The following PCDHGA5 variants were observed in gnomAD, a reference collection of about 807,000 sequenced individuals.
PCDHGA5 encodes protocadherin gamma-A5.
PCDHGA5 carries 36 observed loss-of-function variants against 56.7 expected under a neutral mutation model. The observed-to-expected ratio is 0.64, with a 90% CI of 0.49 to 0.84. The LOEUF (loss-of-function observed/expected upper bound fraction) is 0.84. Among genes scored for constraint, PCDHGA5 ranks in the 40% least tolerant of loss-of-function variants. The pLI is 0.00. For missense variants in PCDHGA5, 1,305 were observed against 1,201.5 expected, an observed-to-expected ratio of 1.09 and a Z score of -1.27; for synonymous variants, 563 against 520.2, an observed-to-expected ratio of 1.08 and a Z score of -1.12.
At chr5:141,482,675 A>G (rs1258898440) in intron 1 of PCDHGA5, among the ~76,000 whole-genome samples, 1 of 149,114 alleles carries the variant, frequency 6.7e-6, no homozygotes, top group African/African-American at 2.5e-5. Context: ...AAGGTTGAGT[A>G]GTAGCTTGTC....
At chr5:141,422,724 G>T (rs560544401) in intron 1 of PCDHGA5, 3 of 1,606,016 alleles carry the variant, frequency 1.9e-6, no homozygotes, top group Admixed American at 3.3e-5. Context: ...CTGTCCAGGG[G>T]GTGCCTCTGT....
intron 1 of PCDHGA5, among the ~76,000 whole-genome samples, chr5:141,382,211 G>A (rs1778048764): frequency 6.6e-6 from 1 of 152,054 alleles, no homozygotes; most frequent in African/African-American, 2.4e-5. Flanking sequence ...ATTAAAATAG[G>A]TCTATATATT....
intron 1 of PCDHGA5, among the ~76,000 whole-genome samples, chr5:141,443,486 A>AAAAC (rs1345310906): frequency 6.6e-6 from 1 of 152,166 alleles, no homozygotes; most frequent in Non-Finnish European, 1.5e-5. Flanking sequence ...ACCCTGTCCC[A>AAAAC]AAACAAACAA....
Position 141,490,192 on chromosome 5 carries a change from A to C in PCDHGA5, c.2422-4615A>C. 1 of 1,614,182 alleles carries C rather than the reference A, an allele frequency of 6.2e-7. No homozygotes were observed. Among genetic ancestry groups the C allele is most frequent in the South Asian group, 1.1e-5 (1 of 91,082 alleles). On this transcript the variant is annotated intron_variant, in intron 1 of 3. Coordinates refer to ENST00000518069, the MANE Select transcript of PCDHGA5 (RefSeq NM_018918.3). The surrounding 1 kb of genome is among the most constrained non-coding windows in gnomAD (Gnocchi z 5.4). Reference sequence around the variant, plus strand: ...CTTTGAGGAGTCACGTTTCTATGAAATTCATGCAAGAGCCCGTGACCAGGG... The same window carrying C: ...CTTTGAGGAGTCACGTTTCTATGAACTTCATGCAAGAGCCCGTGACCAGGG...
chr5:141,399,221 T>C (rs564668507), intron 1 of PCDHGA5: 1 of 1,613,960 alleles, frequency 6.2e-7, no homozygotes, highest in Non-Finnish European at 8.5e-7. Flanking sequence ...ATTGCTTTGA[T>C]CAAAATACAT....
Position 141,366,382 on chromosome 5 carries a change from T to C in PCDHGA5, c.2052T>C (p.Pro684=), listed in dbSNP as rs1447635844. The change falls in exon 1 of 4, where the codon CCT becomes CCC. Residue 684 remains proline (P), a synonymous_variant. Transcript: ENST00000518069. ...GCAGTATCAAGACCCCCATTGACCC[T>C]GAGGATCTGGACCTCACACTCTATC... ...DLGSIKTPID[P]EDLDLTLYLV... The C allele has an allele frequency of 1.2e-6, 2 of 1,614,012 alleles. No homozygotes were observed. Among genetic ancestry groups the C allele is most frequent in the East Asian group, 2.2e-5 (1 of 44,900 alleles).
chr5:141,428,797 G>A (rs2097161930), intron 1 of PCDHGA5: 1 of 152,310 alleles, frequency 6.6e-6, no homozygotes, highest in Admixed American at 6.5e-5. Context: ...TTCTGTGTGG[G>A]CCAGTAACTT....
chr5:141,485,827 G>A lies in PCDHGA5; in HGVS notation c.2422-8980G>A. 1 of 1,614,154 alleles carries A rather than the reference G, an allele frequency of 6.2e-7. No individual in the cohort carries two copies. The highest frequency in any genetic ancestry group is 1.1e-5 in the South Asian group (1 of 91,080). On this transcript the variant is annotated intron_variant, in intron 1 of 3. Coordinates refer to ENST00000518069, the MANE Select transcript of PCDHGA5 (RefSeq NM_018918.3). The surrounding 1 kb of genome is among the most constrained non-coding windows in gnomAD (Gnocchi z 5.7). Reference sequence around the variant, plus strand: ...TGGTGCTGACTGCTGTCGATGGAGGGAACCCGCCGAGATCTGGCACCGCAG... The same window carrying A: ...TGGTGCTGACTGCTGTCGATGGAGGAAACCCGCCGAGATCTGGCACCGCAG...
rs374476072 is a variant in PCDHGA5, at chr5:141,419,103, C to T, written c.2421+52352C>T. 5 of 1,613,886 alleles carry T rather than the reference C, an allele frequency of 3.1e-6. 1 individual carries two copies. Among genetic ancestry groups the T allele is most frequent in the South Asian group, 1.1e-5 (1 of 91,088 alleles). On this transcript the variant is annotated intron_variant, in intron 1 of 3. Transcript: ENST00000518069. ...GATGAGGCCCTGGATCGGGAGCAGA[C>T]CCCAGAGTACAACGTCACCATCGCA... is the stretch of plus-strand genomic sequence containing the variant.
Position 141,387,745 on chromosome 5 carries a change from C to T in PCDHGA5, c.2421+20994C>T, listed in dbSNP as rs933790239. On this transcript the variant is annotated intron_variant, in intron 1 of 3. Coordinates refer to ENST00000518069, the MANE Select transcript of PCDHGA5 (RefSeq NM_018918.3). ...CCCAGCGCCAGCCTTTACACCGCTT[C>T]CTCCTCGGAAAAAGAAGAATTTTTT... 4 of 1,355,066 alleles carry T rather than the reference C, an allele frequency of 3.0e-6. No homozygotes were observed. In the Admixed American group the frequency reaches 8.1e-5, roughly 28 times the overall value. 83.9% of individuals were successfully genotyped at this position (1,355,066 alleles called of 1,614,324 possible).
intron 1 of PCDHGA5, among the ~76,000 whole-genome samples, chr5:141,474,061 T>A (rs2099339173): frequency 1.3e-5 from 2 of 152,058 alleles, no homozygotes; most frequent in Admixed American, 6.6e-5. Flanking sequence ...CAGAGCGAGA[T>A]CCTGCCTCAG....
At chr5:141,393,914 C>T (rs765664879) in intron 1 of PCDHGA5, 2 of 1,613,932 alleles carry the variant, frequency 1.2e-6, no homozygotes, top group South Asian at 2.2e-5. Flanking sequence ...CAGTAATTGC[C>T]TTCTTGAGTG....
intron 1 of PCDHGA5, 199 bp downstream of exon 1, chr5:141,366,950 T>C: frequency 2.8e-6 from 2 of 712,110 alleles, no homozygotes; most frequent in Non-Finnish European, 4.3e-6. Context: ...CTGATATCTG[T>C]AGACTTAAGT....
chr5:141,414,443 A>G (rs1413718059), intron 1 of PCDHGA5: 1 of 1,613,892 alleles, frequency 6.2e-7, no homozygotes, highest in Non-Finnish European at 8.5e-7. Flanking sequence ...TCCTCTTACA[A>G]TATCACAGTG....
At chr5:141,462,121 T>A (rs977258025) in intron 1 of PCDHGA5, among the ~76,000 whole-genome samples, 2 of 151,730 alleles carry the variant, frequency 1.3e-5, no homozygotes, top group Non-Finnish European at 2.9e-5. Context: ...CTGCACCCAG[T>A]CCAATTTTTT....
At chr5:141,372,231 G>T (rs868293386) in intron 1 of PCDHGA5, 3 of 1,613,374 alleles carry the variant, frequency 1.9e-6, no homozygotes, top group Middle Eastern at 3.3e-4. Context: ...GCAGGCCAGC[G>T]AGCCCGGGCT....
In PCDHGA5 at chr5:141,450,826, A is replaced by AT. The variant is rs764729742; in HGVS notation, c.2422-43979dup. On this transcript the variant is annotated intron_variant, in intron 1 of 3. Coordinates refer to ENST00000518069, the MANE Select transcript of PCDHGA5 (RefSeq NM_018918.3). ...TATTTATTTATTTAATATTATTATT[A>AT]TTATTTTTTTTTTTTTGAGATGGGG... Among the ~76,000 whole-genome samples, 613 of 134,334 alleles carry AT rather than the reference A, an allele frequency of 4.6e-3. 5 individuals are homozygous for AT. Among genetic ancestry groups the AT allele is most frequent in the African/African-American group, 9.0e-3 (309 of 34,288 alleles). 88.1% of individuals were successfully genotyped at this position (134,334 alleles called of 152,430 possible).
intron 1 of PCDHGA5, chr5:141,394,070 T>C: frequency 6.2e-7 from 1 of 1,613,848 alleles, no homozygotes; most frequent in Non-Finnish European, 8.5e-7. Context: ...CTATCTACAA[T>C]ATCACAGTGA....
chr5:141,383,861 C>T, intron 1 of PCDHGA5: 2 of 1,613,936 alleles, frequency 1.2e-6, no homozygotes, highest in Non-Finnish European at 8.5e-7. Context: ...GAGGTTCAGG[C>T]TCAAGATGGT....
Sources: allele counts gnomAD v4.1 joint callset (sites outside exome capture counted in the v4.1 genomes callset), GRCh38; gene constraint gnomAD v4.1.1; non-coding constraint Gnocchi (gnomAD v3.1); transcripts MANE v1.5; gene names NCBI Gene and HGNC (gene_info 2026-07-23, HGNC 2026-07-21).